The following SAXO4 variants were observed in gnomAD, a reference collection of about 807,000 sequenced individuals.
SAXO4 encodes the protein stabilizer of axonemal microtubules 4, also known as protein phosphatase 1 regulatory subunit 32.
At chr11:61,483,164 CTTT>C in the SAXO4 span, among the ~76,000 whole-genome samples, 801 of 119,278 alleles carry the variant, frequency 6.7e-3, no homozygotes, top group South Asian at 9.3e-3. Context: ...ATTTCTTTTT[CTTT>C]TTTTTTTTTT....
At chr11:61,488,411 TCTC>T in the SAXO4 span, among the ~76,000 whole-genome samples, 9 of 151,292 alleles carry the variant, frequency 5.9e-5, no homozygotes, top group African/African-American at 2.2e-4. Flanking sequence ...TTCACGCCAT[TCTC>T]CTGCCTCAGC....
the SAXO4 span, chr11:61,482,655 G>GGA: frequency 6.2e-7 from 1 of 1,613,962 alleles, no homozygotes; most frequent in Non-Finnish European, 8.5e-7. Flanking sequence ...TCACCCTCAG[G>GGA]GAACAAGCCC....
the SAXO4 span, chr11:61,485,998 T>G: frequency 1.1e-6 from 1 of 919,036 alleles, no homozygotes; most frequent in Non-Finnish European, 1.7e-6. Flanking sequence ...GAATGTGAGC[T>G]GCAGAGCCCT....
the SAXO4 span, chr11:61,481,882 C>G: frequency 6.3e-7 from 1 of 1,576,202 alleles, no homozygotes; most frequent in Non-Finnish European, 8.6e-7. Context: ...CACGGACCCC[C>G]TGAAATTCTA....
chr11:61,487,300 A>G, the SAXO4 span: 66 of 1,388,976 alleles, frequency 4.8e-5, no homozygotes, highest in Admixed American at 1.1e-3. Context: ...TGAGACTGGG[A>G]TAAGTAATGA....
At chr11:61,482,106 G>A in the SAXO4 span, among the ~76,000 whole-genome samples, 39 of 152,134 alleles carry the variant, frequency 2.6e-4, no homozygotes, top group Admixed American at 2.6e-3. Context: ...CTGTGATTCT[G>A]CCACACTGAC....
the SAXO4 span, chr11:61,481,875 G>A: frequency 1.5e-5 from 23 of 1,571,624 alleles, no homozygotes; most frequent in East Asian, 2.6e-4. Flanking sequence ...GGGGCTACAC[G>A]GACCCCCTGA....
the SAXO4 span, chr11:61,486,508 G>A: frequency 1.2e-6 from 2 of 1,613,904 alleles, no homozygotes; most frequent in Non-Finnish European, 1.7e-6. Flanking sequence ...GCCAGTGGCT[G>A]CTTTGCTCCC....
chr11:61,487,061 G>T, the SAXO4 span: 3 of 1,613,774 alleles, frequency 1.9e-6, no homozygotes, highest in South Asian at 1.1e-5. Flanking sequence ...TGGGGAAAAA[G>T]GTGAGACTTG....
chr11:61,487,780 A>C, the SAXO4 span, among the ~76,000 whole-genome samples: 1 of 152,142 alleles, frequency 6.6e-6, no homozygotes, highest in Non-Finnish European at 1.5e-5. Flanking sequence ...AAGACATTCC[A>C]TCCAGCCAAT....
the SAXO4 span, chr11:61,484,846 G>A: frequency 3.9e-6 from 6 of 1,542,750 alleles, no homozygotes; most frequent in South Asian, 6.0e-5. Context: ...AGGGCTTCGG[G>A]GTGGGGCAGA....
the SAXO4 span, chr11:61,481,941 G>C: frequency 6.7e-7 from 1 of 1,490,568 alleles, no homozygotes; most frequent in South Asian, 1.2e-5. Flanking sequence ...TTGCGCAGGA[G>C]CCTCTGCTAG....
At chr11:61,482,660 A>T in the SAXO4 span, 1 of 1,613,924 alleles carries the variant, frequency 6.2e-7, no homozygotes, top group Admixed American at 1.7e-5. Context: ...CTCAGGGAAC[A>T]AGCCCAGGAC....
At chr11:61,484,819 G>A in the SAXO4 span, 4 of 1,578,378 alleles carry the variant, frequency 2.5e-6, no homozygotes, top group South Asian at 1.2e-5. Flanking sequence ...TCCGACATGT[G>A]AGTGGCAGCC....
the SAXO4 span, chr11:61,482,301 C>T: frequency 1.9e-6 from 3 of 1,613,266 alleles, no homozygotes; most frequent in Non-Finnish European, 2.5e-6. Context: ...CCCCGTTACC[C>T]CTCTGGCAGG....
the SAXO4 span, among the ~76,000 whole-genome samples, chr11:61,483,597 C>A: frequency 2.0e-5 from 3 of 152,026 alleles, no homozygotes; most frequent in African/African-American, 7.3e-5. Flanking sequence ...ATGATAAGAG[C>A]GGGTGGAGTG....
the SAXO4 span, chr11:61,490,644 C>A: frequency 7.0e-7 from 1 of 1,433,236 alleles, no homozygotes; most frequent in Non-Finnish European, 9.8e-7. Context: ...CCGTTATGGG[C>A]CAGCCCTGCC....
chr11:61,490,063 T>A, the SAXO4 span: 1 of 1,055,596 alleles, frequency 9.5e-7, no homozygotes. Context: ...GAGAGGCCCA[T>A]CTCCTCTGGC....
the SAXO4 span, chr11:61,482,672 A>AT: frequency 6.2e-7 from 1 of 1,614,022 alleles, no homozygotes; most frequent in Non-Finnish European, 8.5e-7. Flanking sequence ...GCCCAGGACC[A>AT]TTTCCAGTCT....
Sources: gnomAD v4.1 joint callset for allele counts (sites outside exome capture counted in the v4.1 genomes callset) on GRCh38, gnomAD v4.1.1 for gene constraint, MANE v1.5 for transcripts, NCBI Gene and HGNC (gene_info 2026-07-23, HGNC 2026-07-21) for gene names.